The following RBFOX1 variants were observed in gnomAD, a reference collection of about 807,000 sequenced individuals.
RBFOX1 encodes RNA binding fox-1 homolog 1, also known as RNA binding protein fox-1 homolog 1.
Under a neutral mutation model 57.7 loss-of-function variants are expected in RBFOX1, and 8 were observed. The ratio of observed to expected loss-of-function variants is 0.14; its 90% CI spans 0.08 to 0.25. The LOEUF (loss-of-function observed/expected upper bound fraction) is 0.25, where lower values mean the gene tolerates loss of function less well. RBFOX1 is among the 10% of genes least tolerant of loss of function. RBFOX1 has a pLI of 1.00. For missense variants in RBFOX1, 611 were observed against 548.5 expected, an observed-to-expected ratio of 1.11 and a Z score of -1.14; for synonymous variants, 326 against 222.4, an observed-to-expected ratio of 1.47 and a Z score of -4.15.
At chr16:7,669,319 T>C (rs1296070709) in intron 13 of RBFOX1, among the ~76,000 whole-genome samples, 2 of 152,114 alleles carry the variant, frequency 1.3e-5, no homozygotes, top group Non-Finnish European at 2.9e-5. Flanking sequence ...CCAAAAAGTA[T>C]AGCATTTGAT....
At chr16:5,952,023 AC>A (rs1411004965) in intron 4 of RBFOX1, among the ~76,000 whole-genome samples, 1 of 151,422 alleles carries the variant, frequency 6.6e-6, no homozygotes, top group Non-Finnish European at 1.5e-5. Context: ...ATATGCACAC[AC>A]ACACATATAT....
At chr16:6,371,229 A>C (rs913480583) in intron 2 of RBFOX1, among the ~76,000 whole-genome samples, 1 of 152,164 alleles carries the variant, frequency 6.6e-6, no homozygotes, top group Non-Finnish European at 1.5e-5. Flanking sequence ...TTTGTCATCA[A>C]TCCTTCATTC....
chr16:6,845,242 A>T (rs2093693683), intron 3 of RBFOX1, among the ~76,000 whole-genome samples: 1 of 149,704 alleles, frequency 6.7e-6, no homozygotes, highest in Non-Finnish European at 1.5e-5. Flanking sequence ...TTCGTTATGA[A>T]TCCTTGCCCG....
intron 3 of RBFOX1, among the ~76,000 whole-genome samples, chr16:7,045,458 C>T (rs118055684): frequency 1.3e-5 from 2 of 152,218 alleles, no homozygotes; most frequent in South Asian, 2.1e-4. Flanking sequence ...GACAGCATGG[C>T]TATTTCCTTG....
intron 3 of RBFOX1, among the ~76,000 whole-genome samples, chr16:6,921,064 G>T (rs944924979): frequency 6.6e-6 from 1 of 152,240 alleles, no homozygotes; most frequent in Non-Finnish European, 1.5e-5. Context: ...GGCTCAGCAG[G>T]TGTTGGTTTG....
intron 3 of RBFOX1, among the ~76,000 whole-genome samples, chr16:5,854,747 C>G (rs1295762203): frequency 2.0e-5 from 3 of 152,134 alleles, no homozygotes; most frequent in African/African-American, 7.2e-5. Flanking sequence ...TGGATAGGTA[C>G]TCAGAAGGAT....
intron 3 of RBFOX1, among the ~76,000 whole-genome samples, chr16:5,716,878 A>G (rs1028316201): frequency 6.6e-6 from 1 of 152,142 alleles, no homozygotes; most frequent in Non-Finnish European, 1.5e-5. Context: ...TGCCCCTAAA[A>G]TGTCCAAGCC....
intron 1 of RBFOX1, among the ~76,000 whole-genome samples, chr16:6,189,251 C>T (rs2097126930): frequency 6.6e-6 from 1 of 152,184 alleles, no homozygotes; most frequent in South Asian, 2.1e-4. Flanking sequence ...AAGCTGATGG[C>T]ACAGGGAGAT....
At chr16:5,278,523 T>C (rs1322160396) in intron 1 of RBFOX1, among the ~76,000 whole-genome samples, 4 of 152,214 alleles carry the variant, frequency 2.6e-5, no homozygotes, top group Non-Finnish European at 5.9e-5. Flanking sequence ...CCATCTTGAG[T>C]TAATTTTTAT....
At chr16:7,334,907 A>G (rs1471876960) in intron 4 of RBFOX1, among the ~76,000 whole-genome samples, 5 of 152,188 alleles carry the variant, frequency 3.3e-5, no homozygotes, top group Non-Finnish European at 7.3e-5. Context: ...TCTGGTAACT[A>G]GTTACCCATA....
intron 2 of RBFOX1, among the ~76,000 whole-genome samples, chr16:6,369,429 G>T (rs2090120941): frequency 6.6e-6 from 1 of 152,172 alleles, no homozygotes; most frequent in Non-Finnish European, 1.5e-5. Flanking sequence ...GTTTGTCTTA[G>T]ACATAGCATC....
At chr16:7,167,520 C>A (rs1350561595) in intron 4 of RBFOX1, among the ~76,000 whole-genome samples, 5 of 152,144 alleles carry the variant, frequency 3.3e-5, no homozygotes, top group Non-Finnish European at 5.9e-5. Flanking sequence ...ACAAGAAAGA[C>A]CCTCCCATGC....
At chr16:7,337,617 A>C (rs1431507728) in intron 4 of RBFOX1, among the ~76,000 whole-genome samples, 1 of 152,180 alleles carries the variant, frequency 6.6e-6, no homozygotes, top group Non-Finnish European at 1.5e-5. Flanking sequence ...CAAGCTCACA[A>C]AAGAATGGGC....
chr16:6,875,463 G>C (rs529003197), intron 3 of RBFOX1, among the ~76,000 whole-genome samples: 1 of 152,138 alleles, frequency 6.6e-6, no homozygotes, highest in Non-Finnish European at 1.5e-5. Flanking sequence ...GATTCGCTGA[G>C]AGTCTTCGAA....
intron 1 of RBFOX1, among the ~76,000 whole-genome samples, chr16:5,298,074 A>G (rs2063711731): frequency 6.6e-6 from 1 of 152,208 alleles, no homozygotes; most frequent in Non-Finnish European, 1.5e-5. Flanking sequence ...CTTTGGGAAG[A>G]AACGTATTTA....
intron 1 of RBFOX1, among the ~76,000 whole-genome samples, chr16:6,110,345 A>T (rs2096431875): frequency 6.6e-6 from 1 of 152,144 alleles, no homozygotes; most frequent in Non-Finnish European, 1.5e-5. Flanking sequence ...GCTAGAGAAT[A>T]GCACAGAATT....
chr16:6,416,125 G>A (rs1010835189), intron 2 of RBFOX1, among the ~76,000 whole-genome samples: 1 of 152,316 alleles, frequency 6.6e-6, no homozygotes, highest in Admixed American at 6.5e-5. Context: ...AACAAAAGCC[G>A]TGTCTACTTT....
intron 4 of RBFOX1, among the ~76,000 whole-genome samples, chr16:7,133,360 A>T (rs562257222): frequency 1.0e-3 from 153 of 152,342 alleles, no homozygotes; most frequent in African/African-American, 3.5e-3. Flanking sequence ...AAATTAGAAC[A>T]TTCCGATGTG....
intron 1 of RBFOX1, among the ~76,000 whole-genome samples, chr16:6,049,125 T>C (rs1378777117): frequency 6.8e-6 from 1 of 147,438 alleles, no homozygotes; most frequent in South Asian, 2.2e-4. Context: ...TGCAATGGCA[T>C]GATCTCAGCT....
Sources: gnomAD v4.1 joint callset for allele counts (sites outside exome capture counted in the v4.1 genomes callset) on GRCh38, gnomAD v4.1.1 for gene constraint, MANE v1.5 for transcripts, NCBI Gene and HGNC (gene_info 2026-07-23, HGNC 2026-07-21) for gene names.